Variants in IQGAP2 observed in about 807,000 individuals in gnomAD.
The protein encoded by IQGAP2 is ras GTPase-activating-like protein IQGAP2.
A neutral mutation model predicts 201.3 loss-of-function variants in IQGAP2; 173 were observed. That is an observed-to-expected ratio of 0.86 (90% CI 0.76 to 0.98). The LOEUF is 0.98. Among genes scored for constraint, IQGAP2 ranks in the 50% least tolerant of loss-of-function variants. The pLI, the probability that IQGAP2 is intolerant of heterozygous loss-of-function variation, is 0.00. For synonymous variants in IQGAP2, 675 were observed against 673.9 expected (o/e 1.00, Z -0.03); for missense variants, 1,687 against 1,864.8 (o/e 0.90, Z 1.76).
At chr5:76,537,745 A>G (rs781368445) in intron 2 of IQGAP2, among the ~76,000 whole-genome samples, 1 of 152,122 alleles carries the variant, frequency 6.6e-6, no homozygotes, top group Non-Finnish European at 1.5e-5. Flanking sequence ...TTCTGGGCTC[A>G]TTTTACCCAT....
intron 6 of IQGAP2, 24 bp downstream of exon 6, chr5:76,588,997 T>A (rs1359823697): frequency 6.6e-7 from 1 of 1,522,798 alleles, no homozygotes; most frequent in Admixed American, 1.7e-5. Flanking sequence ...TCTTTGTAAT[T>A]TTTTACAATC....
intron 2 of IQGAP2, among the ~76,000 whole-genome samples, chr5:76,520,453 C>T (rs972279272): frequency 1.3e-5 from 2 of 152,244 alleles, no homozygotes; most frequent in Admixed American, 6.5e-5. Flanking sequence ...TGAGCCACCG[C>T]GCCCGGCGCA....
chr5:76,556,001 G>C (rs1743918076), intron 2 of IQGAP2, among the ~76,000 whole-genome samples: 1 of 152,152 alleles, frequency 6.6e-6, no homozygotes, highest in Admixed American at 6.5e-5. Context: ...ATATACCCTG[G>C]GGTTTGTTGT....
chr5:76,500,365 A>G (rs1338727063), intron 2 of IQGAP2, among the ~76,000 whole-genome samples: 4 of 152,236 alleles, frequency 2.6e-5, no homozygotes, highest in Non-Finnish European at 5.9e-5. Context: ...TAGCATTGCT[A>G]TAACTTAAAA....
At chr5:76,654,171 G>T (rs377303024) in intron 18 of IQGAP2, 29 bp from the exon 19 acceptor site, 12 of 1,489,598 alleles carry the variant, frequency 8.1e-6, no homozygotes, top group Middle Eastern at 3.5e-4. Flanking sequence ...ATTTTTTGTT[G>T]TACTTTTCTA....
intron 13 of IQGAP2, chr5:76,615,538 G>C (rs1207380942): frequency 1.3e-5 from 2 of 152,148 alleles, no homozygotes; most frequent in Non-Finnish European, 1.5e-5. Context: ...TACAGTCAAG[G>C]CAGATTCGTA....
chr5:76,488,140 T>C (rs1159889827), intron 2 of IQGAP2, among the ~76,000 whole-genome samples: 6 of 152,224 alleles, frequency 3.9e-5, no homozygotes, highest in Admixed American at 3.9e-4. Context: ...ATACAAAAAC[T>C]GTTTTAGCAG....
At chr5:76,617,359 G>A (rs1217803430) in intron 13 of IQGAP2, 5 of 440,736 alleles carry the variant, frequency 1.1e-5, no homozygotes, top group Non-Finnish European at 2.0e-5. Flanking sequence ...GGGAGGCAGA[G>A]GTTGCAATGA....
At chr5:76,478,560 A>G (rs953905768) in intron 2 of IQGAP2, among the ~76,000 whole-genome samples, 4 of 152,106 alleles carry the variant, frequency 2.6e-5, no homozygotes, top group African/African-American at 9.7e-5. Flanking sequence ...AAGTGTTGGG[A>G]TTACAGGCGT....
intron 22 of IQGAP2, among the ~76,000 whole-genome samples, chr5:76,665,629 A>G (rs893283002): frequency 6.6e-6 from 1 of 152,234 alleles, no homozygotes; most frequent in African/African-American, 2.4e-5. Context: ...CTCCCCTTCT[A>G]TGGGGGAAGA....
At chr5:76,457,429 G>T (rs762751587) in intron 1 of IQGAP2, among the ~76,000 whole-genome samples, 6 of 152,022 alleles carry the variant, frequency 3.9e-5, no homozygotes, top group Non-Finnish European at 8.8e-5. Flanking sequence ...TAAGCATTTC[G>T]TAATTATGCC....
chr5:76,606,206 A>G lies in IQGAP2; in HGVS notation c.1260A>G (p.Lys420=). The change falls in exon 12 of 36, where the codon AAA becomes AAG. Residue 420 remains lysine (K), a synonymous_variant. Transcript: ENST00000274364. ...ATGCAAACACACTACTCTCTGTTAA[A>G]CTAGAAGTTTTATCCCAAGGGCAAG... The part of the protein sequence containing the change: ...ERYANTLLSV[K]LEVLSQGQDN... The G allele has an allele frequency of 6.2e-7, 1 of 1,606,166 alleles. No individual in the cohort carries two copies. The highest frequency in any genetic ancestry group is 1.7e-5 in the Admixed American group (1 of 59,336).
chr5:76,668,610 G>A, intron 22 of IQGAP2, 71 bp from the exon 23 acceptor site: 1 of 1,251,296 alleles, frequency 8.0e-7, no homozygotes, highest in South Asian at 1.3e-5. Flanking sequence ...ATACTGCTTT[G>A]TGCTTTAATA....
chr5:76,501,638 C>CTTTTTTTT (rs1432659462), intron 2 of IQGAP2, among the ~76,000 whole-genome samples: 2 of 24,994 alleles, frequency 8.0e-5, no homozygotes, highest in Non-Finnish European at 1.6e-4. Flanking sequence ...TTTCTTTTTC[C>CTTTTTTTT]TTTTCTTTTT....
intron 3 of IQGAP2, among the ~76,000 whole-genome samples, chr5:76,565,397 C>T (rs1323078032): frequency 1.3e-5 from 2 of 152,148 alleles, no homozygotes; most frequent in South Asian, 2.1e-4. Context: ...TTTTGTGCTA[C>T]CCCCTTCTCT....
intron 1 of IQGAP2, among the ~76,000 whole-genome samples, 186 bp from the exon 2 acceptor site, chr5:76,461,384 A>AT (rs2150125976): frequency 6.6e-6 from 1 of 151,326 alleles, no homozygotes; most frequent in East Asian, 2.0e-4. Context: ...AAAAAAAATA[A>AT]AAATAAAGGA....
chr5:76,613,181 C>CCTGG (rs1748563967), intron 13 of IQGAP2, among the ~76,000 whole-genome samples: 2 of 152,220 alleles, frequency 1.3e-5, no homozygotes, highest in African/African-American at 4.8e-5. Context: ...AGGGCGAATG[C>CCTGG]CTGGCCAAGG....
chr5:76,671,620 G>A, intron 23 of IQGAP2, 139 bp from the exon 24 acceptor site: 1 of 597,008 alleles, frequency 1.7e-6, no homozygotes, highest in South Asian at 2.1e-5. Flanking sequence ...CCTGGGAGGT[G>A]GAGGTTGCAG....
chr5:76,635,002 G>A (rs1009920597), intron 15 of IQGAP2, among the ~76,000 whole-genome samples: 5 of 152,196 alleles, frequency 3.3e-5, no homozygotes, highest in African/African-American at 1.2e-4. Flanking sequence ...CAAACTAGAT[G>A]TGAAAAATGT....
Sources: gnomAD v4.1 joint callset for allele counts (sites outside exome capture counted in the v4.1 genomes callset) on GRCh38, gnomAD v4.1.1 for gene constraint, MANE v1.5 for transcripts, NCBI Gene and HGNC (gene_info 2026-07-23, HGNC 2026-07-21) for gene names.